Variants in SNX16 observed in about 807,000 individuals in gnomAD.
The protein encoded by SNX16 is sorting nexin-16.
SNX16 carries 35 observed loss-of-function variants against 36.7 expected under a neutral mutation model. That is an observed-to-expected ratio of 0.95 (90% CI 0.73 to 1.27). SNX16 has a LOEUF of 1.27. Ranked by LOEUF, SNX16 falls within the 50% of genes most tolerant of loss-of-function variation. The probability of loss-of-function intolerance (pLI) is 0.00; values close to 1 mark genes in which losing one functional copy is unlikely to be tolerated. For synonymous variants in SNX16, 134 were observed against 132.0 expected (o/e 1.02, Z -0.10); for missense variants, 367 against 393.6 (o/e 0.93, Z 0.57).
intron 5 of SNX16, among the ~76,000 whole-genome samples, chr8:81,806,169 G>T (rs1809934045): frequency 6.6e-6 from 1 of 152,010 alleles, no homozygotes; most frequent in Non-Finnish European, 1.5e-5. Context: ...AAATGGTTCT[G>T]GATAACAGAA....
At chr8:81,839,374 T>A (rs1402504417) in intron 2 of SNX16, among the ~76,000 whole-genome samples, 1 of 152,192 alleles carries the variant, frequency 6.6e-6, no homozygotes, top group Non-Finnish European at 1.5e-5. Context: ...CTAGTAACGT[T>A]CTTTTCCTTG....
At chr8:81,816,003 T>A (rs1046397387) in intron 4 of SNX16, among the ~76,000 whole-genome samples, 4 of 152,124 alleles carry the variant, frequency 2.6e-5, no homozygotes, top group African/African-American at 9.7e-5. Flanking sequence ...AGAAACAGGT[T>A]AAGGAGGTAG....
intron 3 of SNX16, among the ~76,000 whole-genome samples, chr8:81,826,252 T>C (rs2130721063): frequency 6.6e-6 from 1 of 152,178 alleles, no homozygotes; most frequent in East Asian, 1.9e-4. Context: ...GAGACAGACA[T>C]GTGGAAGAAT....
intron 5 of SNX16, among the ~76,000 whole-genome samples, chr8:81,805,671 G>A (rs1358051363): frequency 6.6e-6 from 1 of 152,174 alleles, no homozygotes; most frequent in Non-Finnish European, 1.5e-5. Flanking sequence ...TATAATCCCA[G>A]CACTTTGGGA....
intron 3 of SNX16, among the ~76,000 whole-genome samples, chr8:81,825,808 T>C (rs544014707): frequency 1.1e-4 from 16 of 152,154 alleles, no homozygotes; most frequent in South Asian, 6.2e-4. Context: ...ATAAAATAAA[T>C]AAGGCAAAAA....
At chr8:81,815,084 GATTTA>G (rs1810420935) in intron 5 of SNX16, 1 of 211,054 alleles carries the variant, frequency 4.7e-6, no homozygotes, top group South Asian at 1.7e-4. Context: ...AATAATGCAG[GATTTA>G]ATTTTAGAGC....
intron 4 of SNX16, among the ~76,000 whole-genome samples, chr8:81,820,679 A>T (rs931985402): frequency 6.7e-6 from 1 of 150,180 alleles, no homozygotes; most frequent in Non-Finnish European, 1.5e-5. Context: ...CATTCTCAGT[A>T]CTGCTTGACC....
Position 81,829,456 on chromosome 8 carries a change from TG to T in SNX16, c.435del (p.Tyr145Ter). 1 of 1,426,988 alleles carries T rather than the reference TG, an allele frequency of 7.0e-7. No homozygotes were observed. Among genetic ancestry groups the T allele is most frequent in the Non-Finnish European group, 9.2e-7 (1 of 1,086,822 alleles). The allele number at this position is 1,426,988 out of a possible 1,614,324, so 88.4% of individuals were successfully genotyped here. On this transcript the variant is annotated frameshift_variant, in exon 3 of 8. Coordinates refer to ENST00000345957, the MANE Select transcript of SNX16 (RefSeq NM_152836.3). LOFTEE classifies it high-confidence loss of function. ...TTGTCATTAAGCCTAGAGAAGTCAG[TG>T]TATCTTCTGAAAACTACCCAGCTTT... ...PEESWVVFRR[Y>X]TDFSRLNDKL... is the part of the protein sequence containing the mutation.
intron 5 of SNX16, chr8:81,808,081 G>C: frequency 8.7e-7 from 1 of 1,148,984 alleles, no homozygotes; most frequent in Admixed American, 1.7e-5. Context: ...CTACTTAACT[G>C]TGAAAAAGAT....
chr8:81,803,915 A>G (rs187856992), intron 5 of SNX16, among the ~76,000 whole-genome samples: 7 of 152,022 alleles, frequency 4.6e-5, no homozygotes, highest in African/African-American at 1.7e-4. Context: ...AAAGCCTCAT[A>G]TGGATTTTGG....
At chr8:81,805,630 T>TA (rs1427254638) in intron 5 of SNX16, among the ~76,000 whole-genome samples, 1 of 152,194 alleles carries the variant, frequency 6.6e-6, no homozygotes, top group Non-Finnish European at 1.5e-5. Flanking sequence ...GTGATACTAC[T>TA]AAGAACAACA....
In SNX16 at chr8:81,800,174, A is replaced by C. The variant is rs940838433; in HGVS notation, c.*1323T>G. The C allele has an allele frequency of 1.3e-5, 2 of 152,030 alleles. No homozygotes were observed. The highest frequency in any genetic ancestry group is 4.8e-5 in the African/African-American group (2 of 41,576). 9.4% of individuals were successfully genotyped at this position (152,030 alleles called of 1,614,324 possible). ...TAAACTTTTAGATAGTAAAGAAAAA[A>C]ATGGAGATTGTTATTCTATTTCCCC... On this transcript the variant is annotated 3_prime_UTR_variant, in exon 8 of 8. Transcript: ENST00000345957.
chr8:81,818,899 CA>C (rs1810609787), intron 4 of SNX16, among the ~76,000 whole-genome samples: 1 of 152,040 alleles, frequency 6.6e-6, no homozygotes, highest in Admixed American at 6.6e-5. Context: ...CTTCCAAAAA[CA>C]ATCTTTCAAA....
At chr8:81,806,432 G>A (rs1245621322) in intron 5 of SNX16, among the ~76,000 whole-genome samples, 1 of 151,774 alleles carries the variant, frequency 6.6e-6, no homozygotes, top group Non-Finnish European at 1.5e-5. Flanking sequence ...CTATACAGAT[G>A]CAAGTGAAAG....
At chr8:81,808,032 G>C (rs1585979507) in intron 5 of SNX16, 2 of 886,890 alleles carry the variant, frequency 2.3e-6, no homozygotes, top group East Asian at 4.8e-5. Context: ...TGGAACCAAA[G>C]AGAGCTGTCT....
chr8:81,817,712 A>G lies in SNX16; in HGVS notation c.612-2318T>C, dbSNP rs571693384. ...CAAACTCTATTTTCTTTCTAAGGAG[A>G]GGACACACAAGAATCTCTGGAAGAT... On this transcript the variant is annotated intron_variant, in intron 4 of 7. Transcript: ENST00000345957. Among the ~76,000 whole-genome samples, 3 of 152,290 alleles carry G rather than the reference A, an allele frequency of 2.0e-5. No individual in the cohort carries two copies. The East Asian group carries it at 5.8e-4, about 29-fold the overall frequency.
intron 2 of SNX16, among the ~76,000 whole-genome samples, chr8:81,839,050 C>T (rs1201568632): frequency 6.6e-6 from 1 of 152,100 alleles, no homozygotes; most frequent in Non-Finnish European, 1.5e-5. Context: ...TGTGATATTA[C>T]TCTGTACCCA....
At chr8:81,837,110 CCT>C (rs200794541) in intron 2 of SNX16, among the ~76,000 whole-genome samples, 1,955 of 152,282 alleles carry the variant, frequency 0.013, 15 homozygotes, top group Non-Finnish European at 0.022. Context: ...GGGGAAACTC[CCT>C]GTCTTCCTTC....
chr8:81,804,802 C>T (rs559357534), intron 5 of SNX16, among the ~76,000 whole-genome samples: 105 of 152,120 alleles, frequency 6.9e-4, no homozygotes, highest in African/African-American at 2.3e-3. Flanking sequence ...TAATATCTGA[C>T]AGAATGCAGT....
Sources: gnomAD v4.1 joint callset for allele counts (sites outside exome capture counted in the v4.1 genomes callset) on GRCh38, gnomAD v4.1.1 for gene constraint, MANE v1.5 for transcripts, NCBI Gene and HGNC (gene_info 2026-07-23, HGNC 2026-07-21) for gene names.